Variants in SCGN observed in about 807,000 individuals in gnomAD.
The protein encoded by SCGN is secretagogin.
In SCGN, 30 loss-of-function variants were observed where a neutral mutation model predicts 39.7. That is an observed-to-expected ratio of 0.76 (90% CI 0.57 to 1.03). SCGN has a LOEUF of 1.03. Ranked by LOEUF, SCGN falls within the 50% of genes least tolerant of loss-of-function variation. The pLI is 0.00. For missense variants in SCGN, 353 were observed against 349.4 expected (o/e 1.01, Z -0.08); for synonymous variants, 106 against 114.1 (o/e 0.93, Z 0.45).
At chr6:25,699,201 G>T (rs1319323740) in intron 10 of SCGN, among the ~76,000 whole-genome samples, 2 of 152,014 alleles carry the variant, frequency 1.3e-5, no homozygotes, top group Admixed American at 6.6e-5. Context: ...TTTGTTTTTT[G>T]TTTTTCTCTC....
intron 6 of SCGN, among the ~76,000 whole-genome samples, chr6:25,679,813 A>C (rs532197624): frequency 7.2e-4 from 109 of 152,300 alleles, no homozygotes; most frequent in Middle Eastern, 3.4e-3. Flanking sequence ...AGGGAAAAAG[A>C]GGCAATTAGA....
At chr6:25,682,134 C>T (rs1759644625) in intron 7 of SCGN, 128 bp downstream of exon 7, 1 of 660,652 alleles carries the variant, frequency 1.5e-6, no homozygotes, top group Non-Finnish European at 2.7e-6. Flanking sequence ...GCACATCTTA[C>T]CAATAAGCTG....
At chr6:25,681,387 C>T (rs1438043518) in intron 6 of SCGN, among the ~76,000 whole-genome samples, 3 of 152,174 alleles carry the variant, frequency 2.0e-5, no homozygotes, top group Admixed American at 6.5e-5. Context: ...AACCTTGACT[C>T]AAACCAAGTA....
intron 6 of SCGN, 69 bp from the exon 7 acceptor site, chr6:25,681,882 A>C: frequency 7.4e-7 from 1 of 1,350,640 alleles, no homozygotes; most frequent in Non-Finnish European, 1.1e-6. Flanking sequence ...GCAAAATAGA[A>C]AAGTGCTTTA....
chr6:25,660,520 T>C (rs1582571761), intron 2 of SCGN, among the ~76,000 whole-genome samples: 1 of 152,174 alleles, frequency 6.6e-6, no homozygotes, highest in African/African-American at 2.4e-5. Flanking sequence ...TTTTAGGACA[T>C]CTTGCACCTG....
chr6:25,695,395 C>CT (rs1401224679), intron 10 of SCGN, among the ~76,000 whole-genome samples: 2 of 152,074 alleles, frequency 1.3e-5, no homozygotes, highest in East Asian at 3.8e-4. Flanking sequence ...CCCCCTCCAC[C>CT]TTTTTTTGTC....
intron 6 of SCGN, among the ~76,000 whole-genome samples, chr6:25,676,165 G>T (rs1410871151): frequency 2.0e-5 from 3 of 152,104 alleles, no homozygotes; most frequent in African/African-American, 7.2e-5. Flanking sequence ...TTCTAAATCT[G>T]ACCGTTTCTC....
At chr6:25,674,247 G>A (rs571332276) in intron 6 of SCGN, among the ~76,000 whole-genome samples, 71 of 152,250 alleles carry the variant, frequency 4.7e-4, no homozygotes, top group Non-Finnish European at 8.2e-4. Context: ...GGAGAAAGCT[G>A]GTGAAAGAGT....
At chr6:25,652,509 C>A in intron 1 of SCGN, 24 bp downstream of exon 1, 1 of 1,608,502 alleles carries the variant, frequency 6.2e-7, no homozygotes. Flanking sequence ...GCCACTTGCA[C>A]ACTCAGGTGT....
chr6:25,652,883 C>T (rs1760159377), intron 1 of SCGN, among the ~76,000 whole-genome samples: 1 of 152,074 alleles, frequency 6.6e-6, no homozygotes, highest in African/African-American at 2.4e-5. Flanking sequence ...GCTGTACACC[C>T]CTCACTCTCT....
intron 2 of SCGN, among the ~76,000 whole-genome samples, chr6:25,659,975 G>A (rs1760308538): frequency 6.6e-6 from 1 of 152,140 alleles, no homozygotes; most frequent in Admixed American, 6.5e-5. Context: ...CTCAGCCAGT[G>A]ATGGGAAAAT....
At chr6:25,685,615 G>A (rs1349307568) in intron 7 of SCGN, among the ~76,000 whole-genome samples, 1 of 151,898 alleles carries the variant, frequency 6.6e-6, no homozygotes, top group African/African-American at 2.4e-5. Context: ...TAAATCTAAT[G>A]TTGAATTTAC....
At chr6:25,676,713 T>C (rs1473149864) in intron 6 of SCGN, among the ~76,000 whole-genome samples, 2 of 152,236 alleles carry the variant, frequency 1.3e-5, no homozygotes, top group Admixed American at 1.3e-4. Flanking sequence ...ATAGGTAACA[T>C]GTATATTTCA....
At position 25,654,120 on chromosome 6, in the gene SCGN, C is replaced by G. The variant is rs72838855; in HGVS notation, c.153+668C>G. Among the ~76,000 whole-genome samples, 23 of 152,176 alleles carry G rather than the reference C, an allele frequency of 1.5e-4. No homozygotes were observed. The East Asian group carries it at 4.4e-3, about 29-fold the overall frequency. On this transcript the variant is annotated intron_variant, in intron 2 of 10. Coordinates refer to ENST00000377961, the MANE Select transcript of SCGN (RefSeq NM_006998.4). ...GCGGAGGACAGCCTGGGGATGGGCT[C>G]GATCTGATGAAAGCTCCAGTAGGGC... is the stretch of plus-strand genomic sequence containing the variant.
chr6:25,661,485 T>G, intron 2 of SCGN, 67 bp from the exon 3 acceptor site: 1 of 1,058,004 alleles, frequency 9.5e-7, no homozygotes, highest in Non-Finnish European at 1.5e-6. Context: ...ATTTTGAATA[T>G]TTGCCATCCT....
At chr6:25,661,338 T>C (rs1760332176) in intron 2 of SCGN, among the ~76,000 whole-genome samples, 1 of 152,214 alleles carries the variant, frequency 6.6e-6, no homozygotes, top group Non-Finnish European at 1.5e-5. Context: ...AAATTGTACC[T>C]AGTCAAGATT....
intron 2 of SCGN, among the ~76,000 whole-genome samples, chr6:25,655,360 G>A (rs1001185810): frequency 6.6e-6 from 1 of 152,170 alleles, no homozygotes; most frequent in Non-Finnish European, 1.5e-5. Context: ...AGGATGCTGT[G>A]AGATATCTTC....
intron 2 of SCGN, among the ~76,000 whole-genome samples, chr6:25,655,774 G>GT (rs1422559172): frequency 6.6e-6 from 1 of 152,130 alleles, no homozygotes; most frequent in Admixed American, 6.5e-5. Context: ...CAGTTAGCAT[G>GT]TTTTTTTACC....
chr6:25,684,483 G>A (rs191968695), intron 7 of SCGN, among the ~76,000 whole-genome samples: 1 of 152,206 alleles, frequency 6.6e-6, no homozygotes, highest in Admixed American at 6.5e-5. Context: ...TGTGAACTGT[G>A]GTAAGCAGAA....
Sources: gnomAD v4.1 joint callset for allele counts (sites outside exome capture counted in the v4.1 genomes callset) on GRCh38, gnomAD v4.1.1 for gene constraint, MANE v1.5 for transcripts, NCBI Gene and HGNC (gene_info 2026-07-23, HGNC 2026-07-21) for gene names.